The following DPP6 variants were observed in gnomAD, a reference collection of about 807,000 sequenced individuals.
DPP6 encodes the protein A-type potassium channel modulatory protein DPP6.
DPP6 carries 69 observed loss-of-function variants against 122.6 expected under a neutral mutation model. The observed-to-expected ratio is 0.56, with a 90% CI of 0.46 to 0.69. DPP6 has a LOEUF of 0.69. Among genes scored for constraint, DPP6 ranks in the 30% least tolerant of loss-of-function variants. The probability of loss-of-function intolerance (pLI) is 0.00; values close to 1 mark genes in which losing one functional copy is unlikely to be tolerated. For missense variants in DPP6, 928 were observed against 1,116.9 expected, an observed-to-expected ratio of 0.83 and a Z score of 2.41; for synonymous variants, 418 against 433.1, an observed-to-expected ratio of 0.97 and a Z score of 0.43.
chr7:153,887,841 C>T (rs1044351414), intron 1 of DPP6: 7 of 1,267,516 alleles, frequency 5.5e-6, no homozygotes, highest in Non-Finnish European at 7.4e-6. Flanking sequence ...GGAAGGACAG[C>T]GACCCCATGC....
chr7:154,151,060 A>G (rs1563251782), intron 1 of DPP6, among the ~76,000 whole-genome samples: 1 of 152,182 alleles, frequency 6.6e-6, no homozygotes, highest in Admixed American at 6.5e-5. Context: ...CAGCGGACTG[A>G]CTACCATTGT....
intron 1 of DPP6, among the ~76,000 whole-genome samples, chr7:154,036,602 C>T (rs1304603101): frequency 6.6e-5 from 10 of 151,822 alleles, no homozygotes; most frequent in African/African-American, 4.9e-5. Flanking sequence ...TGCACGGGCA[C>T]ATCATACCCT....
rs11342253 is a variant in DPP6 at position 153,932,123 on chromosome 7, C to CTTTT, written c.51+44403_51+44406dup. 5.4e-3 allele frequency among the ~76,000 whole-genome samples: 728 copies of CTTTT among 135,684 alleles called. 15 individuals carry two copies. Among genetic ancestry groups the CTTTT allele is most frequent in the Admixed American group, 0.032 (434 of 13,374 alleles). The allele number at this position is 135,684 out of a possible 152,430, so 89.0% of individuals were successfully genotyped here. On this transcript the variant is annotated intron_variant, in intron 1 of 25. Coordinates refer to the DPP6 transcript ENST00000404039. ...TTGGCTTTGATTTATCATTTTGTGC[C>CTTTT]TTTTTTTTTTTTTTTTTAACAGAAT...
chr7:154,543,923 G>A (rs939383343), intron 4 of DPP6, among the ~76,000 whole-genome samples: 1 of 143,848 alleles, frequency 7.0e-6, no homozygotes, highest in African/African-American at 2.6e-5. Context: ...GAACCTGAGA[G>A]TTGGAGGTTG....
intron 1 of DPP6, among the ~76,000 whole-genome samples, chr7:154,439,044 C>A (rs892071928): frequency 6.6e-6 from 1 of 152,134 alleles, no homozygotes; most frequent in East Asian, 1.9e-4. Context: ...GGTGGCAAGC[C>A]CTTTTTAAAA....
chr7:154,336,534 G>A (rs958654865), intron 1 of DPP6, among the ~76,000 whole-genome samples: 1 of 152,174 alleles, frequency 6.6e-6, no homozygotes, highest in Non-Finnish European at 1.5e-5. Flanking sequence ...GGGCTTCCTG[G>A]TATCACAGGA....
intron 1 of DPP6, among the ~76,000 whole-genome samples, chr7:154,214,938 C>T (rs4395804): frequency 0.84 from 127,732 of 151,986 alleles, 53,765 homozygotes; most frequent in Non-Finnish European, 0.85. Context: ...ATGTGTCTTG[C>T]AGTGTTGTTG....
chr7:154,153,629 G>T (rs1302905312), intron 1 of DPP6, among the ~76,000 whole-genome samples: 3 of 152,206 alleles, frequency 2.0e-5, no homozygotes, highest in African/African-American at 7.2e-5. Context: ...ACCACAGTAA[G>T]TGCTCAGCAG....
intron 1 of DPP6, among the ~76,000 whole-genome samples, chr7:154,188,083 G>A (rs921966367): frequency 3.9e-5 from 6 of 151,922 alleles, no homozygotes; most frequent in African/African-American, 1.2e-4. Flanking sequence ...TTGTGGTCAC[G>A]GTGGTTCTCT....
chr7:154,756,378 C>T (rs1843670426), intron 8 of DPP6, among the ~76,000 whole-genome samples: 1 of 151,964 alleles, frequency 6.6e-6, no homozygotes, highest in Non-Finnish European at 1.5e-5. Context: ...CATGCAGCCC[C>T]ATGGTCATAA....
Position 154,483,110 on chromosome 7 carries a change from G to A in DPP6, c.457+8073G>A, listed in dbSNP as rs1823460349. 6.6e-6 allele frequency among the ~76,000 whole-genome samples: 1 copy of A among 152,160 alleles called. No homozygotes were observed. Among genetic ancestry groups the A allele is most frequent in the South Asian group, 2.1e-4 (1 of 4,826 alleles). ...CTCTCGGAGGGAAGAGGGGAAGAGG[G>A]ACACGGAGGTGTCTGAGGAAGTGTG... On this transcript the variant is annotated intron_variant, in intron 3 of 25. Coordinates refer to ENST00000377770, the MANE Select transcript of DPP6 (RefSeq NM_130797.4). The surrounding 1 kb of genome is among the most constrained non-coding windows in gnomAD (Gnocchi z 8.1).
At chr7:154,460,818 C>T (rs1337404269) in intron 2 of DPP6, among the ~76,000 whole-genome samples, 3 of 152,058 alleles carry the variant, frequency 2.0e-5, no homozygotes, top group Non-Finnish European at 4.4e-5. Flanking sequence ...GTATCCATCC[C>T]CTTAAGCATT....
intron 1 of DPP6, among the ~76,000 whole-genome samples, chr7:154,180,077 G>T (rs1320944575): frequency 6.6e-6 from 1 of 152,088 alleles, no homozygotes; most frequent in Non-Finnish European, 1.5e-5. Context: ...AATATTTGTG[G>T]TGGCTCATGC....
chr7:153,914,122 G>A (rs1298943644), intron 1 of DPP6, among the ~76,000 whole-genome samples: 1 of 152,024 alleles, frequency 6.6e-6, no homozygotes, highest in Non-Finnish European at 1.5e-5. Flanking sequence ...CATGGGGGTG[G>A]GTCTTTCCCA....
At chr7:154,562,378 C>T (rs1378131101) in intron 4 of DPP6, among the ~76,000 whole-genome samples, 1 of 152,006 alleles carries the variant, frequency 6.6e-6, no homozygotes, top group African/African-American at 2.4e-5. Context: ...GCAGAAAAAG[C>T]ATTTGAGAAA....
At chr7:154,105,131 A>G (rs1806059657) in intron 1 of DPP6, among the ~76,000 whole-genome samples, 1 of 152,230 alleles carries the variant, frequency 6.6e-6, no homozygotes, top group African/African-American at 2.4e-5. Flanking sequence ...TGTCTAAAAA[A>G]CAAAACCAAA....
intron 1 of DPP6, among the ~76,000 whole-genome samples, chr7:154,039,218 C>T (rs1799650217): frequency 1.4e-5 from 2 of 138,960 alleles, no homozygotes; most frequent in Non-Finnish European, 3.0e-5. Flanking sequence ...CAGAGTTCAT[C>T]TGGAGGTGCC....
At chr7:154,126,806 C>T (rs1807921431) in intron 1 of DPP6, among the ~76,000 whole-genome samples, 1 of 152,220 alleles carries the variant, frequency 6.6e-6, no homozygotes, top group African/African-American at 2.4e-5. Context: ...GCCCCTAGCT[C>T]ATGGGGCCAG....
At chr7:154,474,775 T>C (rs1333114547) in intron 2 of DPP6, among the ~76,000 whole-genome samples, 164 bp from the exon 3 acceptor site, 1 of 152,204 alleles carries the variant, frequency 6.6e-6, no homozygotes, top group Non-Finnish European at 1.5e-5. Context: ...TTTGATAGTT[T>C]AATTAAAAAC....
Sources: gnomAD v4.1 joint callset for allele counts (sites outside exome capture counted in the v4.1 genomes callset) on GRCh38, gnomAD v4.1.1 for gene constraint, Gnocchi (gnomAD v3.1) non-coding constraint, MANE v1.5 for transcripts, NCBI Gene and HGNC (gene_info 2026-07-23, HGNC 2026-07-21) for gene names.